BRINP2: variants seen among roughly 807,000 people sequenced by gnomAD.
BRINP2 encodes the protein BMP/retinoic acid inducible neural specific 2.
BRINP2 carries 21 observed loss-of-function variants against 69.2 expected under a neutral mutation model. The observed-to-expected ratio is 0.30, with a 90% CI of 0.22 to 0.44. The LOEUF (loss-of-function observed/expected upper bound fraction) is 0.44. BRINP2 is among the 20% of genes least tolerant of loss of function. BRINP2 has a pLI of 1.00. For synonymous variants in BRINP2, 380 were observed against 394.1 expected (o/e 0.96, Z 0.42); for missense variants, 877 against 986.0 (o/e 0.89, Z 1.48).
chr1:177,232,870 T>C (rs1291559208), intron 2 of BRINP2, among the ~76,000 whole-genome samples: 1 of 152,168 alleles, frequency 6.6e-6, no homozygotes, highest in Non-Finnish European at 1.5e-5. Context: ...TTTCACCCTT[T>C]AAGGAAGCTT....
intron 4 of BRINP2, among the ~76,000 whole-genome samples, chr1:177,261,990 A>G (rs1261709613): frequency 6.6e-6 from 1 of 152,236 alleles, no homozygotes; most frequent in Non-Finnish European, 1.5e-5. Flanking sequence ...CATGGAGGTC[A>G]CTGGTAACCT....
intron 1 of BRINP2, among the ~76,000 whole-genome samples, chr1:177,229,552 ACTTT>A (rs1300920404): frequency 4.6e-5 from 7 of 152,232 alleles, no homozygotes; most frequent in African/African-American, 1.7e-4. Flanking sequence ...AACTTAAGCA[ACTTT>A]CTTAAGTTTC....
At chr1:177,174,431 G>A (rs1648027409) in intron 1 of BRINP2, among the ~76,000 whole-genome samples, 1 of 152,202 alleles carries the variant, frequency 6.6e-6, no homozygotes, top group Non-Finnish European at 1.5e-5. Flanking sequence ...TTGCAGTCTA[G>A]TTAGGAAACT....
At chr1:177,278,113 G>GC (rs1418789454) in intron 6 of BRINP2, among the ~76,000 whole-genome samples, 4 of 152,118 alleles carry the variant, frequency 2.6e-5, no homozygotes, top group African/African-American at 9.7e-5. Context: ...TCTCCTCTGT[G>GC]CCCACATGTG....
In BRINP2 at chr1:177,184,297, G is replaced by A. The variant is rs554274427; in HGVS notation, c.-77+12565G>A. ...TTCCCCATAATTCATCCAGTTATTAGGTCTCCCCTCCCCTTACTTTTCACC... is the reference window on the plus strand; with the variant it reads ...TTCCCCATAATTCATCCAGTTATTAAGTCTCCCCTCCCCTTACTTTTCACC... On this transcript the variant is annotated intron_variant, in intron 1 of 7. Transcript: ENST00000361539. Among the ~76,000 whole-genome samples, 3 of 152,078 alleles carry A rather than the reference G, an allele frequency of 2.0e-5. No homozygotes were observed. The South Asian group carries it at 6.3e-4, about 32-fold the overall frequency.
At chr1:177,250,099 AG>A (rs1445542315) in intron 2 of BRINP2, among the ~76,000 whole-genome samples, 1 of 149,522 alleles carries the variant, frequency 6.7e-6, no homozygotes, top group Non-Finnish European at 1.5e-5. Context: ...TTTTTGAGAC[AG>A]GGGTCTTGCT....
chr1:177,185,182 G>C (rs1027984528), intron 1 of BRINP2, among the ~76,000 whole-genome samples: 1 of 151,962 alleles, frequency 6.6e-6, no homozygotes, highest in Non-Finnish European at 1.5e-5. Context: ...GTTGGAGAAC[G>C]TGCCCTCCTT....
chr1:177,227,800 T>C (rs1649742397), intron 1 of BRINP2, among the ~76,000 whole-genome samples: 1 of 152,224 alleles, frequency 6.6e-6, no homozygotes, highest in African/African-American at 2.4e-5. Context: ...AGTTCTAATA[T>C]ATAAAAAGGT....
intron 4 of BRINP2, among the ~76,000 whole-genome samples, chr1:177,270,081 G>A (rs1473868990): frequency 1.8e-5 from 2 of 109,298 alleles, no homozygotes; most frequent in African/African-American, 6.1e-5. Flanking sequence ...GGGGCAAGGG[G>A]TGGGGGGGGT....
rs1426312998 is a variant in BRINP2, at chr1:177,171,396, T to A, written c.-413T>A. 6.5e-6 allele frequency: 1 copy of A among 154,498 alleles called. No individual in the cohort carries two copies. Among genetic ancestry groups the A allele is most frequent in the Admixed American group, 6.5e-5 (1 of 15,280 alleles). 9.6% of individuals were successfully genotyped at this position (154,498 alleles called of 1,614,324 possible). A position where few individuals can be genotyped will look rare whatever the true frequency, so the allele number is the denominator to read the frequency against. ...TGCCGAAGCCCCACTTCAAAGATGC[T>A]CTGGGAGACCGGGATCCTGGCTGCT... is the stretch of plus-strand genomic sequence containing the variant. On this transcript the variant is annotated 5_prime_UTR_variant, in exon 1 of 8. Transcript: ENST00000361539.
At chr1:177,232,857 T>G (rs887038008) in intron 2 of BRINP2, among the ~76,000 whole-genome samples, 2 of 152,164 alleles carry the variant, frequency 1.3e-5, no homozygotes, top group Non-Finnish European at 2.9e-5. Flanking sequence ...AATTAAGGTT[T>G]TGTTTCACCC....
At chr1:177,269,010 A>G (rs1451419736) in intron 4 of BRINP2, among the ~76,000 whole-genome samples, 3 of 152,212 alleles carry the variant, frequency 2.0e-5, no homozygotes, top group African/African-American at 7.2e-5. Flanking sequence ...ATGTGGTTAC[A>G]TCAGTTTTTA....
chr1:177,255,832 G>C, intron 2 of BRINP2, 87 bp from the exon 3 acceptor site: 1 of 1,358,088 alleles, frequency 7.4e-7, no homozygotes, highest in Non-Finnish European at 1.0e-6. Context: ...GGCTGCAAGT[G>C]GAGGAAGAAC....
At chr1:177,203,660 A>G (rs1648987416) in intron 1 of BRINP2, among the ~76,000 whole-genome samples, 1 of 152,114 alleles carries the variant, frequency 6.6e-6, no homozygotes, top group African/African-American at 2.4e-5. Context: ...ACCATAACCA[A>G]TTCACTTTTT....
At chr1:177,178,926 A>G (rs1343662559) in intron 1 of BRINP2, among the ~76,000 whole-genome samples, 1 of 152,202 alleles carries the variant, frequency 6.6e-6, no homozygotes, top group Non-Finnish European at 1.5e-5. Context: ...CTAACACCTT[A>G]ATAGTACTTA....
chr1:177,193,078 G>A (rs1207646674), intron 1 of BRINP2, among the ~76,000 whole-genome samples: 1 of 152,232 alleles, frequency 6.6e-6, no homozygotes, highest in Non-Finnish European at 1.5e-5. Flanking sequence ...CCTGGGTTGT[G>A]AAGCGTAAAC....
intron 1 of BRINP2, among the ~76,000 whole-genome samples, chr1:177,225,032 T>C (rs1649656396): frequency 6.6e-6 from 1 of 152,200 alleles, no homozygotes; most frequent in African/African-American, 2.4e-5. Flanking sequence ...CCTGAGTGTG[T>C]CGTCTTTTGA....
intron 1 of BRINP2, among the ~76,000 whole-genome samples, chr1:177,228,513 G>A (rs189063141): frequency 2.0e-5 from 3 of 152,292 alleles, no homozygotes; most frequent in Admixed American, 2.0e-4. Flanking sequence ...CACATTGTCT[G>A]CCCTTACCAG....
intron 2 of BRINP2, among the ~76,000 whole-genome samples, chr1:177,245,279 G>A (rs185917148): frequency 2.6e-5 from 4 of 151,942 alleles, no homozygotes; most frequent in Admixed American, 2.6e-4. Context: ...AAAGAACGTT[G>A]ACAAGCTAGA....
Sources: allele counts gnomAD v4.1 joint callset (sites outside exome capture counted in the v4.1 genomes callset), GRCh38; gene constraint gnomAD v4.1.1; transcripts MANE v1.5; gene names NCBI Gene and HGNC (gene_info 2026-07-23, HGNC 2026-07-21).